The following RAB31 variants were observed in gnomAD, a reference collection of about 807,000 sequenced individuals.
RAB31 encodes RAB31, member RAS oncogene family, also known as ras-related protein Rab-31.
Under a neutral mutation model 25.6 loss-of-function variants are expected in RAB31, and 21 were observed. The observed-to-expected ratio is 0.82, with a 90% confidence interval of 0.58 to 1.18. RAB31 has a LOEUF of 1.18. RAB31 is among the 50% of genes most tolerant of loss of function. RAB31 has a pLI of 0.00. For missense variants in RAB31, 196 were observed against 250.1 expected (o/e 0.78, Z 1.46); for synonymous variants, 87 against 84.0 (o/e 1.04, Z -0.20).
chr18:9,858,187 C>T (rs1373552521), intron 6 of RAB31, among the ~76,000 whole-genome samples: 1 of 152,208 alleles, frequency 6.6e-6, no homozygotes. Context: ...AAAGCACCAG[C>T]TGTACTACTG....
intron 1 of RAB31, among the ~76,000 whole-genome samples, chr18:9,772,883 T>C (rs1599032534): frequency 6.8e-6 from 1 of 147,880 alleles, no homozygotes; most frequent in Non-Finnish European, 1.5e-5. Flanking sequence ...CCACAGGGGG[T>C]CTTAAGAACA....
At chr18:9,784,379 G>C (rs1269986869) in intron 2 of RAB31, among the ~76,000 whole-genome samples, 1 of 151,904 alleles carries the variant, frequency 6.6e-6, no homozygotes, top group Non-Finnish European at 1.5e-5. Context: ...TAGTTGTACA[G>C]GGACACAAAG....
intron 3 of RAB31, among the ~76,000 whole-genome samples, chr18:9,806,719 CA>C (rs1364518015): frequency 6.6e-6 from 1 of 152,114 alleles, no homozygotes; most frequent in Non-Finnish European, 1.5e-5. Context: ...GTTCAGTTAA[CA>C]TAAGATGATG....
intron 6 of RAB31, among the ~76,000 whole-genome samples, chr18:9,857,966 G>A (rs2068827696): frequency 6.6e-6 from 1 of 152,072 alleles, no homozygotes; most frequent in Admixed American, 6.6e-5. Flanking sequence ...GGAATTCGAG[G>A]TTGCAGTAAG....
chr18:9,847,346 C>T (rs559480702), intron 6 of RAB31, among the ~76,000 whole-genome samples: 54 of 152,284 alleles, frequency 3.5e-4, no homozygotes, highest in Non-Finnish European at 6.0e-4. Flanking sequence ...CCGCGTCTTC[C>T]GCAGAGCCCC....
intron 3 of RAB31, among the ~76,000 whole-genome samples, chr18:9,811,023 G>A (rs903824808): frequency 3.9e-5 from 6 of 152,172 alleles, no homozygotes; most frequent in South Asian, 2.1e-4. Flanking sequence ...ATTGCCAAAT[G>A]GTGGGTTAAA....
At chr18:9,767,440 C>T (rs141686739) in intron 1 of RAB31, among the ~76,000 whole-genome samples, 317 of 152,342 alleles carry the variant, frequency 2.1e-3, no homozygotes, top group Non-Finnish European at 3.8e-3. Flanking sequence ...TTCTGAAAGT[C>T]TGCGGAGCAG....
Position 9,791,754 on chromosome 18 carries a change from G to A in RAB31, c.120-400G>A, listed in dbSNP as rs573692126. 2.4e-3 allele frequency among the ~76,000 whole-genome samples: 367 copies of A among 152,020 alleles called. 1 individual carries two copies. Among genetic ancestry groups the A allele is most frequent in the Non-Finnish European group, 4.4e-3 (299 of 67,940 alleles). On this transcript the variant is annotated intron_variant, in intron 2 of 6. Transcript: ENST00000578921. ...GACCGCAGGTGCCTGCCACCACGCC[G>A]CCACCAGGCCTGGCTAATTTTTTGT...
chr18:9,853,766 G>A (rs1249257737), intron 6 of RAB31, among the ~76,000 whole-genome samples: 1 of 151,998 alleles, frequency 6.6e-6, no homozygotes, highest in African/African-American at 2.4e-5. Flanking sequence ...AAAAATGGGA[G>A]AAATTGAAGA....
rs554837348 is a variant in RAB31 at position 9,720,796 on chromosome 18, TC to T, written c.39+12354del. Among the ~76,000 whole-genome samples, 1,345 of 151,824 alleles carry T rather than the reference TC, an allele frequency of 8.9e-3. 14 individuals are homozygous for T. Among genetic ancestry groups the T allele is most frequent in the Non-Finnish European group, 0.015 (1,014 of 67,974 alleles). ...CAAGGAGATGCTTGACAGGGCGAGA[TC>T]CATTTGGTTCTTACTGGAAATAAGT... On this transcript the variant is annotated intron_variant, in intron 1 of 6. Transcript: ENST00000578921.
At chr18:9,753,120 T>C (rs1488016223) in intron 1 of RAB31, among the ~76,000 whole-genome samples, 1 of 152,254 alleles carries the variant, frequency 6.6e-6, no homozygotes, top group Non-Finnish European at 1.5e-5. Flanking sequence ...TGATTTTTAA[T>C]ATAAAATTAA....
rs146787375 is a variant in RAB31, at chr18:9,801,674, C to T, written c.201+9439C>T. Among the ~76,000 whole-genome samples, 90 of 152,276 alleles carry T rather than the reference C, an allele frequency of 5.9e-4. 2 individuals are homozygous for T. The highest frequency in any genetic ancestry group is 1.2e-3 in the African/African-American group (50 of 41,544). ...CTATGACTAGCATTTAGAGGAACTG[C>T]CAAACTGTTTTCCAAAGTGGAAAAC... On this transcript the variant is annotated intron_variant, in intron 3 of 6. Transcript: ENST00000578921.
chr18:9,853,943 TTTTTC>T (rs199569039), intron 6 of RAB31, among the ~76,000 whole-genome samples: 10,565 of 146,662 alleles, frequency 0.072, 458 homozygotes, highest in Non-Finnish European at 0.1. Flanking sequence ...AGGTTTTCTT[TTTTTC>T]TTTTCTTTTC....
At chr18:9,734,158 C>A (rs1189823934) in intron 1 of RAB31, among the ~76,000 whole-genome samples, 1 of 151,534 alleles carries the variant, frequency 6.6e-6, no homozygotes, top group Non-Finnish European at 1.5e-5. Flanking sequence ...CACTCAGGTC[C>A]TCAGGTACAT....
intron 2 of RAB31, among the ~76,000 whole-genome samples, chr18:9,780,971 A>AC (rs2068400945): frequency 6.8e-6 from 1 of 147,112 alleles, no homozygotes; most frequent in African/African-American, 2.5e-5. Flanking sequence ...ACAAAACATA[A>AC]ATAAATAATG....
At chr18:9,851,853 T>G (rs1472785166) in intron 6 of RAB31, among the ~76,000 whole-genome samples, 1 of 151,974 alleles carries the variant, frequency 6.6e-6, no homozygotes, top group Non-Finnish European at 1.5e-5. Context: ...ATATCTCATA[T>G]TTCATAATAT....
intron 1 of RAB31, among the ~76,000 whole-genome samples, chr18:9,734,464 G>A (rs532475413): frequency 6.6e-6 from 1 of 152,158 alleles, no homozygotes; most frequent in Non-Finnish European, 1.5e-5. Flanking sequence ...AAAACCTTGC[G>A]AGTTTAAGTT....
At position 9,795,279 on chromosome 18, in the gene RAB31, A is replaced by G. The variant is rs369265103; in HGVS notation, c.201+3044A>G. 3.3e-3 allele frequency among the ~76,000 whole-genome samples: 499 copies of G among 152,360 alleles called. 4 individuals carry two copies. The highest frequency in any genetic ancestry group is 0.011 in the African/African-American group (470 of 41,584). On this transcript the variant is annotated intron_variant, in intron 3 of 6. Transcript: ENST00000578921. ...AGACTTAAATCTAAGACCTGAAGCC[A>G]TAAAATTCTAGAAGATAACATTGGA...
In RAB31 at chr18:9,859,960, A is replaced by T. The variant is rs1345577950; in HGVS notation, c.*635A>T. 6.6e-6 allele frequency: 1 copy of T among 152,258 alleles called. No homozygotes were observed. The highest frequency in any genetic ancestry group is 2.4e-5 in the African/African-American group (1 of 41,470). The allele number at this position is 152,258 out of a possible 1,614,324, so 9.4% of individuals were successfully genotyped here. On this transcript the variant is annotated 3_prime_UTR_variant, in exon 7 of 7. Coordinates refer to ENST00000578921, the MANE Select transcript of RAB31 (RefSeq NM_006868.4). ...AATTGGTGAACAATTTTTCTAAGTT[A>T]TGGTCATATATACCCAAACAAACCA... is the stretch of plus-strand genomic sequence containing the variant.
Sources: gnomAD v4.1 joint callset for allele counts (sites outside exome capture counted in the v4.1 genomes callset) on GRCh38, gnomAD v4.1.1 for gene constraint, MANE v1.5 for transcripts, NCBI Gene and HGNC (gene_info 2026-07-23, HGNC 2026-07-21) for gene names.